Variants in KDM6A observed in about 807,000 individuals in gnomAD.
KDM6A encodes the protein lysine demethylase 6A, also known as lysine-specific demethylase 6A.
Under a neutral mutation model 117.6 loss-of-function variants are expected in KDM6A, and 11 were observed. The observed-to-expected ratio is 0.09, with a 90% CI of 0.06 to 0.15. The LOEUF is 0.15. KDM6A is among the 10% of genes least tolerant of loss of function. KDM6A has a pLI of 1.00. For synonymous variants in KDM6A, 384 were observed against 396.1 expected (o/e 0.97, Z 0.36); for missense variants, 799 against 1,077.3 (o/e 0.74, Z 3.62).
At chrX:45,072,434 G>GTT (rs199575099) in intron 18 of KDM6A, among the ~76,000 whole-genome samples, 51 of 106,980 alleles carry the variant, frequency 4.8e-4, no homozygotes, top group African/African-American at 1.7e-3. Context: ...TTTTATATTA[G>GTT]TTTTTTTTTT....
At chrX:45,038,185 T>C (rs1310177017) in intron 8 of KDM6A, among the ~76,000 whole-genome samples, 3 of 111,371 alleles carry the variant, frequency 2.7e-5, no homozygotes, top group Non-Finnish European at 5.7e-5. Flanking sequence ...ATCTCGCCAC[T>C]GCACTCTAGC....
At chrX:45,110,006 C>T (rs2148303267) in intron 28 of KDM6A, 73 bp from the exon 29 acceptor site, 1 of 970,944 alleles carries the variant, frequency 1.0e-6, no homozygotes, top group Non-Finnish European at 1.5e-6. Flanking sequence ...AAGTAGAATT[C>T]CATGATTATA....
intron 4 of KDM6A, among the ~76,000 whole-genome samples, chrX:45,005,956 C>T (rs2041425516): frequency 5.2e-5 from 3 of 58,238 alleles, no homozygotes; most frequent in Non-Finnish European, 8.8e-5. Flanking sequence ...TCACCTCACC[C>T]CCCCACCCCC....
intron 18 of KDM6A, 21 bp downstream of exon 18, chrX:45,070,378 CAA>C (rs1380761234): frequency 8.4e-7 from 1 of 1,193,376 alleles, no homozygotes; most frequent in Non-Finnish European, 1.1e-6. Flanking sequence ...GAAAGTTCAT[CAA>C]AGTGAAAATG....
chrX:45,083,386 G>T (rs1223534154), intron 23 of KDM6A, 74 bp from the exon 24 acceptor site: 2 of 978,460 alleles, frequency 2.0e-6, no homozygotes, highest in African/African-American at 3.8e-5. Flanking sequence ...GGAACACAAG[G>T]GTTTTGAAGA....
chrX:44,958,292 C>G (rs1202087983), intron 2 of KDM6A, among the ~76,000 whole-genome samples: 1 of 107,922 alleles, frequency 9.3e-6, no homozygotes, highest in South Asian at 4.1e-4. Flanking sequence ...AAGCAATTCT[C>G]TTGCCCCAGC....
At position 45,026,346 on chromosome X, in the gene KDM6A, T is replaced by C. The variant is rs562106294; in HGVS notation, c.564+5616T>C. Among the ~76,000 whole-genome samples the C allele has an allele frequency of 7.2e-5, 8 of 111,813 alleles. No individual in the cohort carries two copies. In the Admixed American group the frequency reaches 7.6e-4, roughly 11 times the overall value. ...TTACGAGGTGTCTCATTTGATCTTC[T>C]ACCCTGTATAAACTCAGGAATTTTA... On this transcript the variant is annotated intron_variant, in intron 6 of 29. Transcript: ENST00000611820.
chrX:45,006,030 C>G (rs1230082583), intron 4 of KDM6A, among the ~76,000 whole-genome samples: 1 of 87,750 alleles, frequency 1.1e-5, no homozygotes, highest in Admixed American at 1.3e-4. Flanking sequence ...GGCTTTCTTA[C>G]CTTGGTCCCT....
At chrX:44,874,270 G>T (rs2031235165) in intron 2 of KDM6A, among the ~76,000 whole-genome samples, 1 of 111,909 alleles carries the variant, frequency 8.9e-6, no homozygotes, top group Admixed American at 9.4e-5. Flanking sequence ...ACAGCTTTTT[G>T]AGGGTAGGCC....
rs373663791 is a variant in KDM6A, at chrX:45,050,049, A to C, written c.655-1660A>C. The stretch of plus-strand genomic sequence containing the variant: ...CTGATAAGTAAAAGTTGATTTAATA[A>C]CTCTGGATCGCTGGACGCGGTGGCT... On this transcript the variant is annotated intron_variant, in intron 8 of 29. Coordinates refer to ENST00000611820, the MANE Select transcript of KDM6A (RefSeq NM_001291415.2). Among the ~76,000 whole-genome samples the C allele has an allele frequency of 2.5e-4, 28 of 112,920 alleles. No homozygotes were observed. In the East Asian group the frequency reaches 7.2e-3, roughly 29 times the overall value.
chrX:45,106,625 C>G, intron 27 of KDM6A: 1 of 342,822 alleles, frequency 2.9e-6, no homozygotes, highest in Non-Finnish European at 5.9e-6. Flanking sequence ...AATGGAGAAC[C>G]TGAGCCACTA....
chrX:45,107,056 C>A, intron 27 of KDM6A: 1 of 193,314 alleles, frequency 5.2e-6, no homozygotes, highest in Non-Finnish European at 9.4e-6. Context: ...CCCCTTATTT[C>A]ACGGATGAGG....
chrX:44,886,269 C>G (rs1448080422), intron 2 of KDM6A, among the ~76,000 whole-genome samples: 9 of 109,853 alleles, frequency 8.2e-5, no homozygotes, highest in Non-Finnish European at 1.3e-4. Flanking sequence ...AGGCTGGTCT[C>G]GAACCCCTGA....
chrX:45,028,512 A>C (rs971305040), intron 6 of KDM6A, among the ~76,000 whole-genome samples: 12 of 111,831 alleles, frequency 1.1e-4, no homozygotes, highest in Non-Finnish European at 2.3e-4. Context: ...CTTTGATTTA[A>C]ATCTTCCTTT....
intron 5 of KDM6A, among the ~76,000 whole-genome samples, chrX:45,018,716 C>T (rs1332657744): frequency 9.0e-6 from 1 of 111,411 alleles, no homozygotes; most frequent in Non-Finnish European, 1.9e-5. Context: ...TTTGTTATTT[C>T]TTTATTCTTT....
chrX:44,907,190 T>G (rs2034731272), intron 2 of KDM6A, among the ~76,000 whole-genome samples: 1 of 112,684 alleles, frequency 8.9e-6, no homozygotes, highest in South Asian at 3.6e-4. Flanking sequence ...AGTTGGCTTT[T>G]TGTTACTGTT....
intron 3 of KDM6A, among the ~76,000 whole-genome samples, chrX:44,968,441 G>A (rs1276313529): frequency 8.9e-6 from 1 of 112,540 alleles, no homozygotes; most frequent in Non-Finnish European, 1.9e-5. Flanking sequence ...TGCTGATGGG[G>A]CTCTCAGATA....
In KDM6A at chrX:45,063,759, C is replaced by T. The variant is rs1057524607; in HGVS notation, c.2021C>T (p.Thr674Ile). The T allele has an allele frequency of 8.3e-7, 1 of 1,206,878 alleles. No homozygotes were observed. The highest frequency in any genetic ancestry group is 1.8e-5 in the South Asian group (1 of 56,140). ...GCACTCACTCTACCTCATAACCGCACAAACCTGACCAGCAGCGCAGAGGAG... is the reference window on the plus strand; with the variant it reads ...GCACTCACTCTACCTCATAACCGCATAAACCTGACCAGCAGCGCAGAGGAG... ...RNALTLPHNR[T>I]NLTSSAEEPW... Residue 674 changes from threonine (T) to isoleucine (I), a missense_variant, in exon 17 of 30, where the codon ACA becomes ATA. By Grantham distance (89) the Thr-to-Ile change is moderately conservative. This residue lies in a region of KDM6A where 301 missense variants were observed against 318.3 expected (regional missense o/e 0.95). Coordinates refer to ENST00000611820, the MANE Select transcript of KDM6A (RefSeq NM_001291415.2).
intron 5 of KDM6A, among the ~76,000 whole-genome samples, chrX:45,013,563 T>C (rs1044525629): frequency 2.7e-5 from 3 of 112,068 alleles, no homozygotes; most frequent in Non-Finnish European, 3.8e-5. Context: ...TTCTATATTT[T>C]TCAGTTGACC....
Sources: gnomAD v4.1 joint callset for allele counts (sites outside exome capture counted in the v4.1 genomes callset) on GRCh38, gnomAD v4.1.1 for gene constraint, gnomAD v4.1.1 regional missense constraint, MANE v1.5 for transcripts, NCBI Gene and HGNC (gene_info 2026-07-23, HGNC 2026-07-21) for gene names.